Variants in CCDC80 observed in about 807,000 individuals in gnomAD.
CCDC80 encodes coiled-coil domain-containing protein 80.
In CCDC80, 49 loss-of-function variants were observed where a neutral mutation model predicts 78.7. The ratio of observed to expected loss-of-function variants is 0.62; its 90% CI spans 0.50 to 0.79. The LOEUF is 0.79. Ranked by LOEUF, CCDC80 falls within the 30% of genes least tolerant of loss-of-function variation. The pLI, the probability that CCDC80 is intolerant of heterozygous loss-of-function variation, is 0.00. For synonymous variants in CCDC80, 488 were observed against 447.0 expected, an observed-to-expected ratio of 1.09 and a Z score of -1.16; for missense variants, 1,205 against 1,198.6, an observed-to-expected ratio of 1.01 and a Z score of -0.08.
At chr3:112,632,659 C>T (rs561115235) in intron 2 of CCDC80, among the ~76,000 whole-genome samples, 31 of 152,260 alleles carry the variant, frequency 2.0e-4, no homozygotes, top group African/African-American at 7.5e-4. Flanking sequence ...GGTAGGTTCT[C>T]CCACATAGCT....
At position 112,616,706 on chromosome 3, in the gene CCDC80, G is replaced by T. The variant is rs1331511363; in HGVS notation, c.2321+4C>A. ...CCTCTTTAGCGACTCCAAAGGTGAT[G>T]TACCTGGATAGGAAGTTCTCCAGGG... On this transcript the variant is annotated splice_donor_region_variant and intron_variant, in intron 5 of 7. Transcript: ENST00000206423. 6.2e-7 allele frequency: 1 copy of T among 1,614,056 alleles called. No individual in the cohort carries two copies. The highest frequency in any genetic ancestry group is 1.7e-5 in the Admixed American group (1 of 60,022).
Position 112,601,295 on chromosome 3 carries a change from A to C in CCDC80, c.*4122T>G, listed in dbSNP as rs1195867648. The C allele has an allele frequency of 5.3e-5, 8 of 152,230 alleles. No homozygotes were observed. Among genetic ancestry groups the C allele is most frequent in the African/African-American group, 1.9e-4 (8 of 41,460 alleles). The allele number at this position is 152,230 out of a possible 1,614,324, so 9.4% of individuals were successfully genotyped here. ...AGGCACAGATAAACCTATAGCAAAT[A>C]TTCACATGTGGTTTGAATGCATTTA... is the stretch of plus-strand genomic sequence containing the variant. On this transcript the variant is annotated 3_prime_UTR_variant, in exon 8 of 8. Transcript: ENST00000206423.
In CCDC80 at chr3:112,603,645, C is replaced by T. The variant is rs1164435081; in HGVS notation, c.*1772G>A. Reference sequence around the variant, plus strand: ...GCTGTTCACTGACAATATACCCAGTCACCCAAGAACTTGGATAGAGATATA... The same window carrying T: ...GCTGTTCACTGACAATATACCCAGTTACCCAAGAACTTGGATAGAGATATA... On this transcript the variant is annotated 3_prime_UTR_variant, in exon 8 of 8. Transcript: ENST00000206423. 2 of 150,452 alleles carry T rather than the reference C, an allele frequency of 1.3e-5. No homozygotes were observed. The allele number at this position is 150,452 out of a possible 1,614,324, so 9.3% of individuals were successfully genotyped here. A position where few individuals can be genotyped will look rare whatever the true frequency, so the allele number is the denominator to read the frequency against.
intron 6 of CCDC80, 69 bp downstream of exon 6, chr3:112,609,909 G>T: frequency 9.0e-7 from 1 of 1,105,826 alleles, no homozygotes; most frequent in Non-Finnish European, 1.3e-6. Flanking sequence ...AAGGTTCTAT[G>T]TTCCATTTTA....
chr3:112,635,716 C>T (rs1247235453), intron 2 of CCDC80, among the ~76,000 whole-genome samples: 1 of 152,186 alleles, frequency 6.6e-6, no homozygotes, highest in Non-Finnish European at 1.5e-5. Context: ...TTTCTAATAA[C>T]AAACCTGGTT....
Position 112,638,692 on chromosome 3 carries a change from G to T in CCDC80, c.1214C>A (p.Ala405Asp). The change falls in exon 2 of 8, where the codon GCC becomes GAC. Residue 405 changes from alanine (A) to aspartate (D), a missense_variant. By Grantham distance (126) the Ala-to-Asp change is moderately radical (BLOSUM62 -2). Transcript: ENST00000206423. ...RPPTTTEVITARRPSVSENLY... is the reference protein window; with the variant it reads ...RPPTTTEVITDRRPSVSENLY... ...ATTCTCTGAAACTGAGGGTCTCCTG[G>T]CAGTGATCACCTCAGTGGTTGTAGG... 6.8e-6 allele frequency: 11 copies of T among 1,614,050 alleles called. No homozygotes were observed. Among genetic ancestry groups the T allele is most frequent in the Non-Finnish European group, 8.5e-6 (10 of 1,180,008 alleles).
In CCDC80 at chr3:112,639,757, C is replaced by G. The variant is rs375544364; in HGVS notation, c.149G>C (p.Arg50Pro). ...AGACCTCCCAGTGTGCCTCAGAAAC[C>G]GAGCTGGCCTACTGCTGTCCGGAGA... Reference protein sequence around the residue: ...LVSPDSSRPARFLRHTGRSRG... With the variant: ...LVSPDSSRPAPFLRHTGRSRG... Residue 50 changes from arginine to proline, a missense_variant, in exon 2 of 8, where the codon CGG (arginine) becomes CCG (proline). Coordinates refer to ENST00000206423, the MANE Select transcript of CCDC80 (RefSeq NM_199511.3). 4 of 1,614,074 alleles carry G rather than the reference C, an allele frequency of 2.5e-6. No homozygotes were observed. The highest frequency in any genetic ancestry group is 1.1e-5 in the South Asian group (1 of 91,070).
At chr3:112,610,405 T>C (rs1274180913) in intron 5 of CCDC80, 1 of 352,580 alleles carries the variant, frequency 2.8e-6, no homozygotes, top group East Asian at 6.7e-5. Context: ...AAATTGTACA[T>C]TAAACTGTAG....
chr3:112,605,679 A>T lies in CCDC80; in HGVS notation c.2591T>A (p.Phe864Tyr), dbSNP rs1462847027. The T allele has an allele frequency of 6.8e-6, 11 of 1,614,102 alleles. No individual in the cohort carries two copies. In the Admixed American group the frequency reaches 1.0e-4, roughly 15 times the overall value. Residue 864 changes from phenylalanine (F) to tyrosine (Y), a missense_variant, in exon 8 of 8, where the codon TTC becomes TAC. Physicochemically the swap from Phe to Tyr is conservative, Grantham distance 22. Transcript: ENST00000206423. Reference sequence around the variant, plus strand: ...GTCTTTTCCGACTAGAAGCATGGAGAAGTACTCCGGGCTCACTTGAAAATA... The same window carrying T: ...GTCTTTTCCGACTAGAAGCATGGAGTAGTACTCCGGGCTCACTTGAAAATA... ...RNYFQVSPEY[F>Y]SMLLVGKDGN...
In CCDC80 at chr3:112,619,051, G is replaced by C; in HGVS notation, c.2089C>G (p.Leu697Val). ...VDDEDLVDQRLISELRKEYGM... is the reference protein window; with the variant it reads ...VDDEDLVDQRVISELRKEYGM... The stretch of plus-strand genomic sequence containing the variant: ...TACTCTTTCCTCAGCTCGCTGATGA[G>C]ACGCTGGTCTACCAAGTCTTCATCA... The change falls in exon 4 of 8, where the codon CTC becomes GTC. Residue 697 changes from leucine (L) to valine (V), a missense_variant. Transcript: ENST00000206423. 1 of 1,610,078 alleles carries C rather than the reference G, an allele frequency of 6.2e-7. No individual in the cohort carries two copies. Among genetic ancestry groups the C allele is most frequent in the Non-Finnish European group, 8.5e-7 (1 of 1,178,628 alleles).
chr3:112,605,867 A>G, intron 7 of CCDC80, 104 bp from the exon 8 acceptor site: 1 of 912,678 alleles, frequency 1.1e-6, no homozygotes, highest in Non-Finnish European at 1.6e-6. Context: ...AGGACCCATG[A>G]GCCTCTTCTC....
chr3:112,618,662 C>T (rs1935801626), intron 4 of CCDC80, among the ~76,000 whole-genome samples: 1 of 152,176 alleles, frequency 6.6e-6, no homozygotes, highest in Non-Finnish European at 1.5e-5. Flanking sequence ...CTTTTATCTC[C>T]AGGACCTCGC....
chr3:112,597,282 T>G lies in CCDC80; in HGVS notation c.*8135A>C, dbSNP rs139843741. 6.6e-6 allele frequency: 1 copy of G among 152,174 alleles called. No homozygotes were observed. Among genetic ancestry groups the G allele is most frequent in the Admixed American group, 6.6e-5 (1 of 15,266 alleles). The allele number at this position is 152,174 out of a possible 1,614,324, so 9.4% of individuals were successfully genotyped here. On this transcript the variant is annotated 3_prime_UTR_variant, in exon 8 of 8. Transcript: ENST00000206423. ...TCCTCCAATTAGGAAGCTAAGTGGG[T>G]AAGAAAGAAAAAATAAAGGCAGAGC...
intron 2 of CCDC80, among the ~76,000 whole-genome samples, chr3:112,633,670 A>G (rs2107493463): frequency 6.6e-6 from 1 of 152,236 alleles, no homozygotes; most frequent in South Asian, 2.1e-4. Flanking sequence ...AGTTGGTGAA[A>G]ACACTCTCCC....
intron 3 of CCDC80, among the ~76,000 whole-genome samples, chr3:112,627,893 C>T (rs1936010315): frequency 6.6e-6 from 1 of 151,530 alleles, no homozygotes; most frequent in Admixed American, 6.6e-5. Context: ...GACCCACAGC[C>T]CCTCTACAGT....
At chr3:112,614,966 T>C (rs963721613) in intron 5 of CCDC80, among the ~76,000 whole-genome samples, 1 of 152,212 alleles carries the variant, frequency 6.6e-6, no homozygotes, top group African/African-American at 2.4e-5. Context: ...AACTAGGGAA[T>C]GAAGGTGACG....
chr3:112,610,915 C>CTTTTTTTT (rs11379147), intron 5 of CCDC80, among the ~76,000 whole-genome samples: 3 of 123,282 alleles, frequency 2.4e-5, no homozygotes, highest in Non-Finnish European at 3.3e-5. Flanking sequence ...TTCTTTCTTT[C>CTTTTTTTT]TTTTTTTTTT....
intron 5 of CCDC80, among the ~76,000 whole-genome samples, chr3:112,611,999 G>T (rs999927670): frequency 6.6e-6 from 1 of 150,954 alleles, no homozygotes; most frequent in Non-Finnish European, 1.5e-5. Flanking sequence ...CGCAAGGCTC[G>T]CCAAGTATTG....
At chr3:112,625,687 A>C (rs551800968) in intron 3 of CCDC80, among the ~76,000 whole-genome samples, 11 of 152,300 alleles carry the variant, frequency 7.2e-5, no homozygotes, top group African/African-American at 1.9e-4. Context: ...AAAGAAAAAT[A>C]TATAGGTATT....
Sources: allele counts gnomAD v4.1 joint callset (sites outside exome capture counted in the v4.1 genomes callset), GRCh38; gene constraint gnomAD v4.1.1; transcripts MANE v1.5; gene names NCBI Gene and HGNC (gene_info 2026-07-23, HGNC 2026-07-21).